EYS: variants seen among roughly 807,000 people sequenced by gnomAD.
The protein encoded by EYS is EGF-like photoreceptor maintenance factor.
A neutral mutation model predicts 282.1 loss-of-function variants in EYS; 250 were observed. That is an observed-to-expected ratio of 0.89 (90% confidence interval 0.80 to 0.98). The LOEUF is 0.98. Among genes scored for constraint, EYS ranks in the 50% least tolerant of loss-of-function variants. The probability of loss-of-function intolerance (pLI) is 0.00; values close to 1 mark genes in which losing one functional copy is unlikely to be tolerated. For missense variants in EYS, 4,016 were observed against 3,709.0 expected (o/e 1.08, Z -2.15); for synonymous variants, 1,355 against 1,282.9 (o/e 1.06, Z -1.20).
chr6:65,271,308 G>A (rs796559030), intron 12 of EYS, among the ~76,000 whole-genome samples: 1 of 151,206 alleles, frequency 6.6e-6, no homozygotes, highest in Non-Finnish European at 1.5e-5. Flanking sequence ...GGGTATGAAG[G>A]CATGAGAACC....
In EYS at chr6:64,822,900, A is replaced by G. The variant is rs574321344; in HGVS notation, c.2993-78T>C. On this transcript the variant is annotated intron_variant, in intron 19 of 42. Transcript: ENST00000503581. Reference sequence around the variant, plus strand: ...TAAAAGTTTGTTCATTATGGTAAACATCACCAAGAAATGAAGACCTCTCTC... The same window carrying G: ...TAAAAGTTTGTTCATTATGGTAAACGTCACCAAGAAATGAAGACCTCTCTC... 2.3e-5 allele frequency: 27 copies of G among 1,195,806 alleles called. No individual in the cohort carries two copies. The South Asian group carries it at 3.8e-4, about 17-fold the overall frequency. The allele number at this position is 1,195,806 out of a possible 1,614,324, so 74.1% of individuals were successfully genotyped here. A position where few individuals can be genotyped will look rare whatever the true frequency, so the allele number is the denominator to read the frequency against.
chr6:65,497,267 G>A (rs893524656), intron 2 of EYS, among the ~76,000 whole-genome samples: 2 of 151,956 alleles, frequency 1.3e-5, no homozygotes, highest in Non-Finnish European at 2.9e-5. Context: ...ACTCAATGAA[G>A]GAGACAGATC....
At chr6:65,611,110 C>G (rs1467897618) in intron 2 of EYS, among the ~76,000 whole-genome samples, 1 of 151,562 alleles carries the variant, frequency 6.6e-6, no homozygotes, top group Non-Finnish European at 1.5e-5. Context: ...ATAATACATA[C>G]TTTTTATTCC....
chr6:65,681,208 CA>C (rs1768801056), intron 1 of EYS, among the ~76,000 whole-genome samples: 1 of 151,634 alleles, frequency 6.6e-6, no homozygotes. Flanking sequence ...CATTGGCCAC[CA>C]GTGATCATTT....
At chr6:64,643,583 C>T (rs906269774) in intron 22 of EYS, among the ~76,000 whole-genome samples, 15 of 151,924 alleles carry the variant, frequency 9.9e-5, no homozygotes, top group Admixed American at 3.9e-4. Flanking sequence ...TCCCCTGATA[C>T]GGTTTGGCTG....
At chr6:65,440,547 C>T (rs184945965) in intron 5 of EYS, among the ~76,000 whole-genome samples, 3 of 151,630 alleles carry the variant, frequency 2.0e-5, no homozygotes, top group East Asian at 3.9e-4. Flanking sequence ...ATTAATAGGA[C>T]GTGCAAGCTG....
chr6:65,380,710 G>A (rs1015478753), intron 8 of EYS, among the ~76,000 whole-genome samples: 1 of 152,054 alleles, frequency 6.6e-6, no homozygotes, highest in African/African-American at 2.4e-5. Flanking sequence ...GAAAAATTTT[G>A]CAAACTATCC....
intron 22 of EYS, among the ~76,000 whole-genome samples, chr6:64,694,229 T>C (rs956698547): frequency 2.0e-5 from 3 of 152,126 alleles, no homozygotes; most frequent in Admixed American, 6.6e-5. Flanking sequence ...AAACAGTATA[T>C]AGAGATTCAC....
rs560153684 is a variant in EYS, at chr6:64,895,133, T to A, written c.2846+6980A>T. Among the ~76,000 whole-genome samples, 3 of 152,152 alleles carry A rather than the reference T, an allele frequency of 2.0e-5. No homozygotes were observed. The South Asian group carries it at 6.2e-4, about 32-fold the overall frequency. On this transcript the variant is annotated intron_variant, in intron 18 of 42. Transcript: ENST00000503581. ...AAACATCCCTACTTACCTCACCAGA[T>A]TGGACAATGCAAAAGCTAGAAAGGG...
At chr6:64,383,489 T>C (rs1772815776) in intron 29 of EYS, among the ~76,000 whole-genome samples, 1 of 152,214 alleles carries the variant, frequency 6.6e-6, no homozygotes, top group South Asian at 2.1e-4. Flanking sequence ...GTCCAAATGG[T>C]AGTCCAGCGG....
At position 64,854,500 on chromosome 6, in the gene EYS, T is replaced by C. The variant is rs988267888; in HGVS notation, c.2993-31678A>G. On this transcript the variant is annotated intron_variant, in intron 19 of 42. Coordinates refer to ENST00000503581, the MANE Select transcript of EYS (RefSeq NM_001142800.2). The stretch of plus-strand genomic sequence containing the variant: ...AGCAAACTATCACAAGGACAAAAAA[T>C]AAAACACTGCATGTTCTCACTCATA... Among the ~76,000 whole-genome samples the C allele has an allele frequency of 2.1e-5, 3 of 142,676 alleles. No individual in the cohort carries two copies. The Admixed American group carries it at 2.3e-4, about 11-fold the overall frequency. The allele number at this position is 142,676 out of a possible 152,430, so 93.6% of individuals were successfully genotyped here.
intron 8 of EYS, among the ~76,000 whole-genome samples, chr6:65,372,265 G>A (rs1562130405): frequency 6.6e-6 from 1 of 151,850 alleles, no homozygotes; most frequent in African/African-American, 2.4e-5. Flanking sequence ...AACAACACTC[G>A]ATAACTTTAA....
At chr6:65,008,900 C>T (rs368633063) in intron 13 of EYS, among the ~76,000 whole-genome samples, 73 of 152,244 alleles carry the variant, frequency 4.8e-4, no homozygotes, top group African/African-American at 1.4e-3. Flanking sequence ...TGTCACTATC[C>T]GAGGGGGTCC....
intron 37 of EYS, among the ~76,000 whole-genome samples, chr6:63,801,666 A>G (rs924608537): frequency 2.6e-5 from 4 of 152,242 alleles, no homozygotes; most frequent in African/African-American, 9.6e-5. Context: ...AACACCAAAT[A>G]TGACTGCAGA....
intron 31 of EYS, among the ~76,000 whole-genome samples, chr6:64,146,822 T>A (rs1437339407): frequency 6.6e-6 from 1 of 152,102 alleles, no homozygotes; most frequent in African/African-American, 2.4e-5. Flanking sequence ...CAGTTGTTTA[T>A]CAAAGTTAGG....
intron 22 of EYS, among the ~76,000 whole-genome samples, chr6:64,801,914 T>C (rs913406990): frequency 6.6e-6 from 1 of 151,862 alleles, no homozygotes; most frequent in East Asian, 1.9e-4. Flanking sequence ...TATCTTTGCC[T>C]ATCTCATGAA....
intron 12 of EYS, among the ~76,000 whole-genome samples, chr6:65,118,249 T>C (rs1055943113): frequency 4.6e-5 from 7 of 152,156 alleles, no homozygotes; most frequent in African/African-American, 9.7e-5. Context: ...TATGAAATGA[T>C]GTAGGAGATG....
chr6:64,604,268 T>C (rs1391360409), intron 24 of EYS, among the ~76,000 whole-genome samples: 1 of 152,018 alleles, frequency 6.6e-6, no homozygotes, highest in Non-Finnish European at 1.5e-5. Context: ...GATAATCATG[T>C]TTTCTGTCTG....
intron 31 of EYS, among the ~76,000 whole-genome samples, chr6:64,143,757 A>G (rs1774421092): frequency 6.6e-6 from 1 of 152,230 alleles, no homozygotes; most frequent in Non-Finnish European, 1.5e-5. Context: ...TTTATTCCAC[A>G]AAATGTTTTT....
Sources: gnomAD v4.1 joint callset for allele counts (sites outside exome capture counted in the v4.1 genomes callset) on GRCh38, gnomAD v4.1.1 for gene constraint, MANE v1.5 for transcripts, NCBI Gene and HGNC (gene_info 2026-07-23, HGNC 2026-07-21) for gene names.